LDLRAD4: variants seen among roughly 807,000 people sequenced by gnomAD.
The protein encoded by LDLRAD4 is low density lipoprotein receptor class A domain containing 4.
A neutral mutation model predicts 17.0 loss-of-function variants in LDLRAD4; 5 were observed. The ratio of observed to expected loss-of-function variants is 0.29; its 90% CI spans 0.15 to 0.62. The LOEUF is 0.62. Ranked by LOEUF, LDLRAD4 falls within the 20% of genes least tolerant of loss-of-function variation. LDLRAD4 has a pLI of 0.84. For synonymous variants in LDLRAD4, 168 were observed against 171.8 expected, an observed-to-expected ratio of 0.98 and a Z score of 0.17; for missense variants, 340 against 424.7, an observed-to-expected ratio of 0.80 and a Z score of 1.75.
At chr18:13,358,326 T>C (rs1360541281) in intron 1 of LDLRAD4, among the ~76,000 whole-genome samples, 2 of 152,094 alleles carry the variant, frequency 1.3e-5, no homozygotes, top group African/African-American at 4.8e-5. Context: ...ATCTAGATTA[T>C]ATATATCTAG....
intron 3 of LDLRAD4, among the ~76,000 whole-genome samples, chr18:13,578,389 T>C (rs944858905): frequency 3.9e-5 from 6 of 152,216 alleles, no homozygotes; most frequent in Admixed American, 1.3e-4. Flanking sequence ...TCCCTCCTTG[T>C]CTCAGGAGAT....
intron 2 of LDLRAD4, among the ~76,000 whole-genome samples, chr18:13,411,343 C>T (rs968319005): frequency 1.2e-4 from 15 of 128,886 alleles, no homozygotes; most frequent in East Asian, 3.3e-4. Flanking sequence ...ATAGTTTTGC[C>T]GTAAGTGCTT....
intron 1 of LDLRAD4, among the ~76,000 whole-genome samples, chr18:13,305,337 C>A (rs2046849209): frequency 6.6e-6 from 1 of 152,130 alleles, no homozygotes; most frequent in Non-Finnish European, 1.5e-5. Context: ...AACTGTAGTC[C>A]ATTGCTATAC....
intron 3 of LDLRAD4, among the ~76,000 whole-genome samples, chr18:13,585,954 A>T (rs1237476980): frequency 2.6e-5 from 4 of 152,228 alleles, no homozygotes; most frequent in Non-Finnish European, 4.4e-5. Context: ...GATTTCCCCT[A>T]CTTTCTCCCT....
chr18:13,573,819 C>T (rs1390619317), intron 3 of LDLRAD4, among the ~76,000 whole-genome samples: 1 of 152,196 alleles, frequency 6.6e-6, no homozygotes, highest in African/African-American at 2.4e-5. Flanking sequence ...TCTGTAGACC[C>T]TTCTCAGGTG....
At chr18:13,262,521 T>C (rs2043928169) in intron 1 of LDLRAD4, among the ~76,000 whole-genome samples, 1 of 124,560 alleles carries the variant, frequency 8.0e-6, no homozygotes, top group African/African-American at 3.2e-5. Flanking sequence ...CGTGCGGCCC[T>C]GTGCGTGGAA....
chr18:13,620,875 C>A, intron 3 of LDLRAD4: 2 of 574,424 alleles, frequency 3.5e-6, no homozygotes, highest in Admixed American at 3.0e-5. Context: ...GTTCTCAGCT[C>A]CCTGTGGTGG....
At chr18:13,459,159 CAAAAAAAAAAAAAAAA>C (rs534798084) in intron 3 of LDLRAD4, among the ~76,000 whole-genome samples, 12,866 of 54,208 alleles carry the variant, frequency 0.24, 1,190 homozygotes, top group African/African-American at 0.4. Flanking sequence ...ATCTCTACAC[CAAAAAAAAAAAAAAAA>C]AAAAAAAAAA....
rs189241435 is a variant in LDLRAD4 at position 13,332,091 on chromosome 18, C to T, written c.-383+53903C>T. 3.7e-3 allele frequency among the ~76,000 whole-genome samples: 568 copies of T among 152,322 alleles called. 3 individuals are homozygous for T. The highest frequency in any genetic ancestry group is 0.02 in the Middle Eastern group (6 of 294). On this transcript the variant is annotated intron_variant, in intron 1 of 5. Coordinates refer to ENST00000359446, the Ensembl canonical transcript of LDLRAD4. Reference sequence around the variant, plus strand: ...GGGGTGGGTAGCCTTTGATAATCTTCTCTATTTCTTCCTGTGGAATTGAGT... The same window carrying T: ...GGGGTGGGTAGCCTTTGATAATCTTTTCTATTTCTTCCTGTGGAATTGAGT...
At chr18:13,525,878 C>A (rs1448294385) in intron 3 of LDLRAD4, among the ~76,000 whole-genome samples, 3 of 152,232 alleles carry the variant, frequency 2.0e-5, no homozygotes, top group Non-Finnish European at 4.4e-5. Flanking sequence ...CCCAGCGGGG[C>A]CTCACCACCC....
chr18:13,476,954 CTAAT>C (rs1325357052), intron 3 of LDLRAD4, among the ~76,000 whole-genome samples: 1 of 152,130 alleles, frequency 6.6e-6, no homozygotes, highest in African/African-American at 2.4e-5. Context: ...AAAAAGTTCT[CTAAT>C]TATATTTTTC....
intron 3 of LDLRAD4, among the ~76,000 whole-genome samples, chr18:13,469,253 G>A (rs1269908763): frequency 6.6e-6 from 1 of 152,180 alleles, no homozygotes; most frequent in Non-Finnish European, 1.5e-5. Flanking sequence ...GCAAAGATGT[G>A]GAGAAATTGG....
At chr18:13,568,720 G>A (rs1324543528) in intron 3 of LDLRAD4, among the ~76,000 whole-genome samples, 9 of 152,316 alleles carry the variant, frequency 5.9e-5, no homozygotes, top group South Asian at 2.1e-4. Context: ...TGTGGCCTTC[G>A]TTATAATTTA....
chr18:13,454,903 T>C (rs1282120626), intron 3 of LDLRAD4, among the ~76,000 whole-genome samples: 3 of 152,372 alleles, frequency 2.0e-5, no homozygotes, highest in Non-Finnish European at 4.4e-5. Context: ...GGCATCCCAC[T>C]TGGCTGCGCA....
intron 3 of LDLRAD4, among the ~76,000 whole-genome samples, chr18:13,478,273 G>A (rs1037320891): frequency 2.0e-5 from 3 of 152,156 alleles, no homozygotes; most frequent in African/African-American, 2.4e-5. Context: ...CTACTGTAAC[G>A]GAATCGCCAG....
intron 3 of LDLRAD4, among the ~76,000 whole-genome samples, chr18:13,587,346 T>C (rs1475269578): frequency 1.3e-5 from 2 of 152,216 alleles, no homozygotes; most frequent in Non-Finnish European, 2.9e-5. Context: ...TTTGTAAATA[T>C]TGAGCCCTTA....
intron 1 of LDLRAD4, among the ~76,000 whole-genome samples, chr18:13,379,939 C>G (rs1475265641): frequency 6.7e-6 from 1 of 149,260 alleles, no homozygotes; most frequent in Admixed American, 6.7e-5. Flanking sequence ...GGGGGAGATC[C>G]CTGGGTGTGG....
At chr18:13,396,911 A>G (rs970763173) in intron 2 of LDLRAD4, among the ~76,000 whole-genome samples, 1 of 152,254 alleles carries the variant, frequency 6.6e-6, no homozygotes, top group African/African-American at 2.4e-5. Context: ...ATTGTACAGA[A>G]GAAAATACAT....
At chr18:13,610,305 T>TTTTTTTTTTTTTTCTA (rs1491536129) in intron 3 of LDLRAD4, among the ~76,000 whole-genome samples, 1 of 24,328 alleles carries the variant, frequency 4.1e-5, no homozygotes, top group Admixed American at 4.5e-4. Flanking sequence ...TTTTTTTTTT[T>TTTTTTTTTTTTTTCTA]GAGACGGAGT....
Sources: allele counts gnomAD v4.1 joint callset (sites outside exome capture counted in the v4.1 genomes callset), GRCh38; gene constraint gnomAD v4.1.1; transcripts MANE v1.5; gene names NCBI Gene and HGNC (gene_info 2026-07-23, HGNC 2026-07-21).